The following EHMT1 variants were observed in gnomAD, a reference collection of about 807,000 sequenced individuals.
EHMT1 encodes histone-lysine N-methyltransferase EHMT1.
In EHMT1, 15 loss-of-function variants were observed where a neutral mutation model predicts 147.2. That is an observed-to-expected ratio of 0.10 (90% confidence interval 0.07 to 0.16). The LOEUF is 0.16. Ranked by LOEUF, EHMT1 falls within the 10% of genes least tolerant of loss-of-function variation. The pLI is 1.00. For missense variants in EHMT1, 1,587 were observed against 1,772.4 expected (o/e 0.90, Z 1.88); for synonymous variants, 795 against 709.6 (o/e 1.12, Z -1.91).
chr9:137,626,620 T>A (rs1843275924), intron 1 of EHMT1, among the ~76,000 whole-genome samples: 1 of 152,104 alleles, frequency 6.6e-6, no homozygotes, highest in Non-Finnish European at 1.5e-5. Context: ...GTCTTTCTTC[T>A]ATGATGTAAC....
At chr9:137,671,520 C>CTTTTTTTTTTTTTTTT (rs71493689) in intron 1 of EHMT1, among the ~76,000 whole-genome samples, 1 of 105,348 alleles carries the variant, frequency 9.5e-6, no homozygotes, top group Non-Finnish European at 2.0e-5. Flanking sequence ...CCTTTTCTTT[C>CTTTTTTTTTTTTTTTT]TTTTTTTTTT....
intron 15 of EHMT1, chr9:137,784,361 C>A: frequency 7.9e-7 from 1 of 1,273,392 alleles, no homozygotes; most frequent in Non-Finnish European, 9.9e-7. Flanking sequence ...TTGGGGCCCC[C>A]AGCCCCGGTA....
intron 10 of EHMT1, among the ~76,000 whole-genome samples, chr9:137,773,636 A>G (rs988735153): frequency 1.3e-5 from 2 of 152,230 alleles, no homozygotes; most frequent in Admixed American, 1.3e-4. Flanking sequence ...AGTCTTAAGA[A>G]TATGTATTTG....
chr9:137,754,276 C>T lies in EHMT1; in HGVS notation c.1354C>T (p.Pro452Ser). 2 of 1,614,060 alleles carry T rather than the reference C, an allele frequency of 1.2e-6. No homozygotes were observed. Among genetic ancestry groups the T allele is most frequent in the East Asian group, 2.2e-5 (1 of 44,882 alleles). The part of the protein sequence containing the change: ...RKRRRRSRKK[P>S]SGALGSESYK... ...AAGGAGGCGGAGAAGTAGAAAGAAG[C>T]CCAGCGGTGCCCTCGGTAAATGCCG... The change falls in exon 8 of 27, where the codon CCC (proline) becomes TCC (serine). Residue 452 changes from proline to serine, a missense_variant. Transcript: ENST00000460843.
chr9:137,719,335 T>C (rs1427584857), intron 3 of EHMT1, among the ~76,000 whole-genome samples: 6 of 152,132 alleles, frequency 3.9e-5, no homozygotes, highest in Non-Finnish European at 7.3e-5. Flanking sequence ...CAGTGGGTGG[T>C]GGGCACACTG....
At chr9:137,687,406 A>G (rs1003918491) in intron 1 of EHMT1, among the ~76,000 whole-genome samples, 1 of 152,150 alleles carries the variant, frequency 6.6e-6, no homozygotes, top group African/African-American at 2.4e-5. Context: ...GGGTCAGTTT[A>G]GGTAGAGTTT....
intron 17 of EHMT1, 76 bp downstream of exon 17, chr9:137,798,990 C>A: frequency 1.6e-6 from 2 of 1,239,054 alleles, no homozygotes; most frequent in South Asian, 2.4e-5. Flanking sequence ...AGCTCCTGGT[C>A]CCACCCCCAT....
chr9:137,707,111 C>T (rs1944333098), intron 1 of EHMT1, among the ~76,000 whole-genome samples: 1 of 152,232 alleles, frequency 6.6e-6, no homozygotes, highest in African/African-American at 2.4e-5. Context: ...AGGCGTGAGC[C>T]AGCGCGCCTG....
At chr9:137,759,151 ACAG>A (rs1949613848) in intron 9 of EHMT1, among the ~76,000 whole-genome samples, 1 of 151,936 alleles carries the variant, frequency 6.6e-6, no homozygotes, top group Non-Finnish European at 1.5e-5. Flanking sequence ...AAAAACAACA[ACAG>A]CAGCAACAAC....
chr9:137,783,653 T>C (rs1464760616), intron 15 of EHMT1, among the ~76,000 whole-genome samples: 1 of 152,224 alleles, frequency 6.6e-6, no homozygotes, highest in Non-Finnish European at 1.5e-5. Context: ...CTGGCTGTTT[T>C]GTTGGGGCCC....
At chr9:137,639,990 A>G (rs751690511) in intron 1 of EHMT1, among the ~76,000 whole-genome samples, 22 of 152,262 alleles carry the variant, frequency 1.4e-4, no homozygotes, top group Admixed American at 1.1e-3. Flanking sequence ...GCTGGAGTGC[A>G]ATGGCGCGAT....
chr9:137,619,362 T>TGCC (rs1300852570), intron 1 of EHMT1, among the ~76,000 whole-genome samples: 3 of 149,780 alleles, frequency 2.0e-5, no homozygotes, highest in African/African-American at 4.9e-5. Flanking sequence ...ACGGACCCCG[T>TGCC]GCCGCCGCCG....
chr9:137,752,389 G>A lies in EHMT1; in HGVS notation c.1229G>A (p.Gly410Asp). 1 of 1,614,058 alleles carries A rather than the reference G, an allele frequency of 6.2e-7. No homozygotes were observed. The highest frequency in any genetic ancestry group is 1.1e-5 in the South Asian group (1 of 90,996). Residue 410 changes from glycine to aspartate, a missense_variant, in exon 7 of 27, where the codon GGC (glycine) becomes GAC (aspartate). This residue lies in a region of EHMT1 where 810 missense variants were observed against 673.0 expected (regional missense o/e 1.20). Coordinates refer to ENST00000460843, the MANE Select transcript of EHMT1 (RefSeq NM_024757.5). ...ESVDTGEEEE[G>D]GDESDLSSES... ...GTGGACACCGGGGAGGAGGAGGAAG[G>A]CGGTGACGAGTCTGACCTGGTAATG... is the stretch of plus-strand genomic sequence containing the variant.
At chr9:137,699,764 T>G in intron 1 of EHMT1, among the ~76,000 whole-genome samples, 1 of 149,970 alleles carries the variant, frequency 6.7e-6, no homozygotes, top group African/African-American at 2.5e-5. Flanking sequence ...TGGGAGGATC[T>G]CTTGAGCCCA....
Position 137,787,803 on chromosome 9 carries a change from CAGGTT to C in EHMT1, c.2383-3044_2383-3040del. On this transcript the variant is annotated intron_variant, in intron 15 of 26. Coordinates refer to ENST00000460843, the MANE Select transcript of EHMT1 (RefSeq NM_024757.5). The surrounding 1 kb of genome is among the most constrained non-coding windows in gnomAD (Gnocchi z 4.2). ...TCTAGATCCCAGCCCTGGGGGCCCT[CAGGTT>C]TCAGGGGCCACCCCCCAGTAGGCAG... The C allele has an allele frequency of 1.1e-6, 1 of 871,836 alleles. No homozygotes were observed. The highest frequency in any genetic ancestry group is 1.7e-5 in the Admixed American group (1 of 58,760). 54.0% of individuals were successfully genotyped at this position (871,836 alleles called of 1,614,324 possible). A position where few individuals can be genotyped will look rare whatever the true frequency, so the allele number is the denominator to read the frequency against.
chr9:137,631,435 A>C (rs1589044898), intron 1 of EHMT1, among the ~76,000 whole-genome samples: 2 of 151,884 alleles, frequency 1.3e-5, no homozygotes, highest in Admixed American at 6.6e-5. Flanking sequence ...TTGAAAAAGT[A>C]CCTCCCTAGC....
At chr9:137,677,357 A>C in intron 1 of EHMT1, among the ~76,000 whole-genome samples, 1 of 150,632 alleles carries the variant, frequency 6.6e-6, no homozygotes. Context: ...CTGGTCTTGA[A>C]CTCTTGGACT....
chr9:137,819,657 G>A (rs1164287281), intron 25 of EHMT1, among the ~76,000 whole-genome samples: 1 of 143,384 alleles, frequency 7.0e-6, no homozygotes. Flanking sequence ...GGCTGAGGGG[G>A]GGGGCGCCGT....
chr9:137,796,703 C>CAAAAAAA (rs11449759), intron 16 of EHMT1, among the ~76,000 whole-genome samples: 22 of 85,820 alleles, frequency 2.6e-4, no homozygotes, highest in African/African-American at 5.7e-4. Context: ...GACTCCATCT[C>CAAAAAAA]AAAAAAAAAA....
Sources: allele counts gnomAD v4.1 joint callset (sites outside exome capture counted in the v4.1 genomes callset), GRCh38; gene constraint gnomAD v4.1.1; regional missense constraint gnomAD v4.1.1; non-coding constraint Gnocchi (gnomAD v3.1); transcripts MANE v1.5; gene names NCBI Gene and HGNC (gene_info 2026-07-23, HGNC 2026-07-21).